Variants in CSMD1 observed in about 807,000 individuals in gnomAD.
CSMD1 encodes CUB and sushi domain-containing protein 1.
In CSMD1, 213 loss-of-function variants were observed where a neutral mutation model predicts 417.5. That is an observed-to-expected ratio of 0.51 (90% CI 0.46 to 0.57). CSMD1 has a LOEUF of 0.57. Among genes scored for constraint, CSMD1 ranks in the 20% least tolerant of loss-of-function variants. The pLI, the probability that CSMD1 is intolerant of heterozygous loss-of-function variation, is 0.00. For synonymous variants in CSMD1, 2,862 were observed against 1,736.8 expected (o/e 1.65, Z -16.11); for missense variants, 6,923 against 4,529.7 (o/e 1.53, Z -15.17).
chr8:3,683,398 T>C, intron 7 of CSMD1, among the ~76,000 whole-genome samples: 1 of 152,122 alleles, frequency 6.6e-6, no homozygotes, highest in East Asian at 1.9e-4. Flanking sequence ...TCCTTATCAC[T>C]AAAGTAATTA....
At chr8:3,867,545 G>A (rs1469439744) in intron 5 of CSMD1, among the ~76,000 whole-genome samples, 2 of 152,130 alleles carry the variant, frequency 1.3e-5, no homozygotes, top group Non-Finnish European at 2.9e-5. Flanking sequence ...CAGAAGGCTA[G>A]TGAGAGACGT....
intron 1 of CSMD1, among the ~76,000 whole-genome samples, chr8:4,859,836 G>A (rs1463947376): frequency 6.6e-6 from 1 of 152,116 alleles, no homozygotes; most frequent in Non-Finnish European, 1.5e-5. Context: ...TTCAACCATT[G>A]TGGAAGTCAG....
rs115702376 is a variant in CSMD1, at chr8:4,902,169, G to A, written c.85+92163C>T. Reference sequence around the variant, plus strand: ...AAATGCCTGTCAACCCAGCTTTTTGGGAGAACAAGATGGAAGGATCACTTG... The same window carrying A: ...AAATGCCTGTCAACCCAGCTTTTTGAGAGAACAAGATGGAAGGATCACTTG... On this transcript the variant is annotated intron_variant, in intron 1 of 69. Transcript: ENST00000635120. Among the ~76,000 whole-genome samples, 1,103 of 152,038 alleles carry A rather than the reference G, an allele frequency of 7.3e-3. 19 individuals are homozygous for A. The highest frequency in any genetic ancestry group is 0.025 in the African/African-American group (1,053 of 41,464).
chr8:4,506,716 C>T (rs1305993256), intron 2 of CSMD1, among the ~76,000 whole-genome samples: 5 of 152,142 alleles, frequency 3.3e-5, no homozygotes. Flanking sequence ...CTTCTCTTTC[C>T]TTCAGAGTGT....
intron 68 of CSMD1, among the ~76,000 whole-genome samples, chr8:2,948,605 C>A (rs1802412440): frequency 6.6e-6 from 1 of 152,008 alleles, no homozygotes; most frequent in Non-Finnish European, 1.5e-5. Flanking sequence ...CATAAAAATA[C>A]TCATTGAAGC....
At position 4,707,853 on chromosome 8, in the gene CSMD1, C is replaced by T. The variant is rs182684129; in HGVS notation, c.86-70295G>A. On this transcript the variant is annotated intron_variant, in intron 1 of 69. Transcript: ENST00000635120. The stretch of plus-strand genomic sequence containing the variant: ...AGTGAACCAAGATCGCACCATTGCA[C>T]TCCAGCCTGGGGACAAGAGCAAGAC... Among the ~76,000 whole-genome samples the T allele has an allele frequency of 6.6e-3, 869 of 132,332 alleles. 3 individuals carry two copies. Among genetic ancestry groups the T allele is most frequent in the Admixed American group, 0.012 (138 of 11,792 alleles). 86.8% of individuals were successfully genotyped at this position (132,332 alleles called of 152,430 possible).
At chr8:2,980,893 G>A (rs928206001) in intron 54 of CSMD1, among the ~76,000 whole-genome samples, 2 of 152,162 alleles carry the variant, frequency 1.3e-5, no homozygotes, top group Non-Finnish European at 2.9e-5. Flanking sequence ...AATATTTTGA[G>A]CAGTAAAAAA....
intron 3 of CSMD1, among the ~76,000 whole-genome samples, chr8:4,113,112 T>C (rs1373354558): frequency 6.6e-6 from 1 of 152,138 alleles, no homozygotes; most frequent in African/African-American, 2.4e-5. Flanking sequence ...TGGTGTGTGT[T>C]CTTACTGTTC....
intron 1 of CSMD1, among the ~76,000 whole-genome samples, chr8:4,661,342 T>C (rs1804595621): frequency 6.6e-6 from 1 of 152,216 alleles, no homozygotes; most frequent in South Asian, 2.1e-4. Flanking sequence ...TGCCATATAC[T>C]GGATACATCT....
chr8:4,156,099 A>G (rs1318624157), intron 3 of CSMD1, among the ~76,000 whole-genome samples: 1 of 152,172 alleles, frequency 6.6e-6, no homozygotes, highest in Non-Finnish European at 1.5e-5. Context: ...TTATCAGAGC[A>G]TAATAATCAT....
At chr8:4,806,329 G>A (rs377705470) in intron 1 of CSMD1, among the ~76,000 whole-genome samples, 11 of 152,150 alleles carry the variant, frequency 7.2e-5, no homozygotes, top group Admixed American at 1.3e-4. Context: ...CTAGATGGGA[G>A]GCTGGCTCTG....
intron 5 of CSMD1, among the ~76,000 whole-genome samples, chr8:3,908,695 G>T (rs922599143): frequency 6.6e-6 from 1 of 152,140 alleles, no homozygotes; most frequent in African/African-American, 2.4e-5. Flanking sequence ...CTCTGGTGAA[G>T]CAATCGCTTA....
At chr8:4,870,748 G>A (rs960639443) in intron 1 of CSMD1, among the ~76,000 whole-genome samples, 6 of 152,244 alleles carry the variant, frequency 3.9e-5, no homozygotes, top group African/African-American at 1.4e-4. Flanking sequence ...AACTATGTGA[G>A]CCTGCTCCAT....
intron 1 of CSMD1, among the ~76,000 whole-genome samples, chr8:4,731,614 C>G (rs75753118): frequency 6.6e-6 from 1 of 151,966 alleles, no homozygotes; most frequent in Non-Finnish European, 1.5e-5. Context: ...AAAAATCAAC[C>G]CATCCCTGCA....
chr8:4,885,796 T>C (rs1332113275), intron 1 of CSMD1, among the ~76,000 whole-genome samples: 2 of 152,032 alleles, frequency 1.3e-5, no homozygotes, highest in Non-Finnish European at 2.9e-5. Flanking sequence ...TGCAAAGTTT[T>C]GAGTTCTGAG....
At chr8:3,835,956 T>G (rs1342611652) in intron 5 of CSMD1, among the ~76,000 whole-genome samples, 3 of 152,156 alleles carry the variant, frequency 2.0e-5, no homozygotes, top group African/African-American at 4.8e-5. Context: ...AATAGAACTT[T>G]TGGATTAAGA....
chr8:3,885,049 G>A lies in CSMD1; in HGVS notation c.818+112854C>T, dbSNP rs114364213. Among the ~76,000 whole-genome samples the A allele has an allele frequency of 7.2e-3, 1,101 of 151,874 alleles. 14 individuals carry two copies. Among genetic ancestry groups the A allele is most frequent in the African/African-American group, 0.025 (1,046 of 41,418 alleles). The stretch of plus-strand genomic sequence containing the variant: ...GTACCTAGTTTCTAATGGACCTAGT[G>A]TCTATGATTCTACCATGCTTATAAA... On this transcript the variant is annotated intron_variant, in intron 5 of 69. Transcript: ENST00000635120.
chr8:4,150,406 C>G (rs777439041), intron 3 of CSMD1, among the ~76,000 whole-genome samples: 18 of 152,198 alleles, frequency 1.2e-4, no homozygotes, highest in Admixed American at 7.2e-4. Context: ...AATGTGGACT[C>G]TCTTATCTTT....
At chr8:3,742,060 C>A (rs915350921) in intron 6 of CSMD1, among the ~76,000 whole-genome samples, 1 of 151,462 alleles carries the variant, frequency 6.6e-6, no homozygotes, top group Non-Finnish European at 1.5e-5. Context: ...ACTCATTCAG[C>A]ACATTCTTGC....
Sources: allele counts gnomAD v4.1 joint callset (sites outside exome capture counted in the v4.1 genomes callset), GRCh38; gene constraint gnomAD v4.1.1; transcripts MANE v1.5; gene names NCBI Gene and HGNC (gene_info 2026-07-23, HGNC 2026-07-21).